The following NSD2 variants were observed in gnomAD, a reference collection of about 807,000 sequenced individuals.
NSD2 encodes the protein histone-lysine N-methyltransferase NSD2.
In NSD2, 12 loss-of-function variants were observed where a neutral mutation model predicts 139.0. The observed-to-expected ratio is 0.09, with a 90% CI of 0.06 to 0.14. The LOEUF (loss-of-function observed/expected upper bound fraction) is 0.14. Among genes scored for constraint, NSD2 ranks in the 10% least tolerant of loss-of-function variants. NSD2 has a pLI of 1.00. For synonymous variants in NSD2, 669 were observed against 648.7 expected (o/e 1.03, Z -0.48); for missense variants, 1,155 against 1,745.0 (o/e 0.66, Z 6.02).
In NSD2 at chr4:1,879,096, G is replaced by C. The variant is rs928376802; in HGVS notation, c.-30+7554G>C. ...AAAAATGTGTCTCTGGAGCTTCACT[G>C]TTTGCTTAGAAGAGAAAGCCCTAGA... On this transcript the variant is annotated intron_variant, in intron 1 of 21. Transcript: ENST00000508803. Among the ~76,000 whole-genome samples the C allele has an allele frequency of 3.9e-5, 6 of 152,216 alleles. No individual in the cohort carries two copies. In the South Asian group the frequency reaches 1.2e-3, roughly 32 times the overall value.
intron 5 of NSD2, among the ~76,000 whole-genome samples, chr4:1,924,865 T>G (rs1046442476): frequency 6.6e-6 from 1 of 152,154 alleles, no homozygotes; most frequent in Non-Finnish European, 1.5e-5. Flanking sequence ...AGGTCGAGGC[T>G]GCAGTGAGCC....
At chr4:1,941,836 C>T (rs946015968) in intron 9 of NSD2, 46 of 1,054,612 alleles carry the variant, frequency 4.4e-5, no homozygotes, top group East Asian at 2.7e-4. Context: ...TATATTAACG[C>T]GACTGAACTA....
rs886244644 is a variant in NSD2 at position 1,894,671 on chromosome 4, C to T, written c.-29-5955C>T. The stretch of plus-strand genomic sequence containing the variant: ...TGGGCAACAGAGGAAGACCCTGTCT[C>T]AATAAAAAAAAAAAAAAAAATGAAA... On this transcript the variant is annotated intron_variant, in intron 1 of 21. Coordinates refer to ENST00000508803, the MANE Select transcript of NSD2 (RefSeq NM_001042424.3). 3.8e-4 allele frequency among the ~76,000 whole-genome samples: 51 copies of T among 135,716 alleles called. 1 individual carries two copies. Among genetic ancestry groups the T allele is most frequent in the Non-Finnish European group, 7.8e-5 (5 of 64,114 alleles). 89.0% of individuals were successfully genotyped at this position (135,716 alleles called of 152,430 possible).
chr4:1,944,547 C>G (rs1723423341), intron 9 of NSD2: 2 of 1,065,156 alleles, frequency 1.9e-6, no homozygotes, highest in African/African-American at 1.6e-5. Flanking sequence ...AGGTGGCTCT[C>G]CAGTGTAAAA....
chr4:1,939,915 C>A (rs747344990), intron 9 of NSD2, 137 bp downstream of exon 9: 331 of 1,527,686 alleles, frequency 2.2e-4, no homozygotes, highest in Non-Finnish European at 2.6e-4. Context: ...TTTAGGGCCT[C>A]TTGGCTAACT....
At position 1,976,683 on chromosome 4, in the gene NSD2, G is replaced by C. The variant is rs1157054284; in HGVS notation, c.3826+4G>C. On this transcript the variant is annotated splice_donor_region_variant and intron_variant, in intron 21 of 21. Coordinates refer to ENST00000508803, the MANE Select transcript of NSD2 (RefSeq NM_001042424.3). This position sits in a 1 kb window ranked among gnomAD's most constrained non-coding sequence, Gnocchi z 5.3. ...GGCCTTGGCAAGCGGCCCTTCGGTG[G>C]GTGTGCAGCCTCGCGGTGGCTTGCA... 1 of 1,570,334 alleles carries C rather than the reference G, an allele frequency of 6.4e-7. No individual in the cohort carries two copies. Among genetic ancestry groups the C allele is most frequent in the Non-Finnish European group, 8.6e-7 (1 of 1,157,838 alleles).
chr4:1,874,135 A>G (rs998396131), intron 1 of NSD2, among the ~76,000 whole-genome samples: 3 of 152,198 alleles, frequency 2.0e-5, no homozygotes, highest in Non-Finnish European at 4.4e-5. Context: ...ATTCTGATCT[A>G]CGTGTTTGGT....
intron 3 of NSD2, 36 bp from the exon 4 acceptor site, chr4:1,916,835 A>G (rs2108800005): frequency 1.3e-6 from 2 of 1,577,880 alleles, no homozygotes; most frequent in African/African-American, 2.7e-5. Context: ...CCCAGATTCT[A>G]ACTTTCATTC....
In NSD2 at chr4:1,917,019, G is replaced by A. The variant is rs776145744; in HGVS notation, c.909G>A (p.Thr303=). The A allele has an allele frequency of 5.0e-6, 8 of 1,612,556 alleles. No homozygotes were observed. Among genetic ancestry groups the A allele is most frequent in the East Asian group, 4.5e-5 (2 of 44,856 alleles). The change falls in exon 4 of 22, where the codon ACG becomes ACA. Residue 303 remains threonine (T), a synonymous_variant. Coordinates refer to ENST00000508803, the MANE Select transcript of NSD2 (RefSeq NM_001042424.3). ...LCQESAKQAP[T]KAEKIKLLKP... ...AGGAAAGTGCCAAGCAGGCACCCAC[G>A]AAAGCTGAGAAAATTAAGGTGATAG...
intron 19 of NSD2, 71 bp from the exon 20 acceptor site, chr4:1,975,223 A>G (rs1726946880): frequency 1.3e-6 from 2 of 1,500,898 alleles, no homozygotes; most frequent in Non-Finnish European, 1.9e-6. Flanking sequence ...TGTTGACCTA[A>G]TACACGCCCC....
In NSD2 at chr4:1,961,167, A is replaced by C; in HGVS notation, c.3372+16A>C. ...TATAGACAAGGTAATGCGGAACTCC[A>C]CTGTGAGCTTCTGCAGTGTGCTGGA... is the stretch of plus-strand genomic sequence containing the variant. On this transcript the variant is annotated intron_variant, in intron 18 of 21. Transcript: ENST00000508803. 1.3e-6 allele frequency: 2 copies of C among 1,587,610 alleles called. No individual in the cohort carries two copies. Among genetic ancestry groups the C allele is most frequent in the Non-Finnish European group, 1.7e-6 (2 of 1,158,436 alleles).
chr4:1,947,537 T>G, intron 9 of NSD2: 1 of 1,054,110 alleles, frequency 9.5e-7, no homozygotes. Flanking sequence ...AAAATTGTTA[T>G]GAACTATAGT....
In NSD2 at chr4:1,872,615, AGAGAGAGAGAGAGAGAGAGAGC is replaced by A. The variant is rs1026004039; in HGVS notation, c.-30+1075_-30+1096del. Among the ~76,000 whole-genome samples, 16 of 145,302 alleles carry A rather than the reference AGAGAGAGAGAGAGAGAGAGAGC, an allele frequency of 1.1e-4. No homozygotes were observed. The South Asian group carries it at 2.7e-3, about 25-fold the overall frequency. On this transcript the variant is annotated intron_variant, in intron 1 of 21. Transcript: ENST00000508803. Reference sequence around the variant, plus strand: ...GTGAGAGAGAGAGAGAGAGAGAGAGAGAGAGAGAGAGAGAGAGAGAGCGCGCAGACCCTGTGAAGACAAGACT... The same window carrying A: ...GTGAGAGAGAGAGAGAGAGAGAGAGAGCGCAGACCCTGTGAAGACAAGACT...
intron 1 of NSD2, among the ~76,000 whole-genome samples, chr4:1,890,300 T>G (rs1190093141): frequency 2.6e-5 from 4 of 151,966 alleles, no homozygotes; most frequent in Admixed American, 6.6e-5. Context: ...TTTTGTTTTG[T>G]TTTTTGTTTT....
At chr4:1,921,438 A>G (rs1427438912) in intron 5 of NSD2, among the ~76,000 whole-genome samples, 1 of 152,084 alleles carries the variant, frequency 6.6e-6, no homozygotes, top group Non-Finnish European at 1.5e-5. Context: ...CAGCCTGGCG[A>G]CAGAGCGAGA....
At chr4:1,903,760 A>T (rs1421248282) in intron 2 of NSD2, among the ~76,000 whole-genome samples, 1 of 132,890 alleles carries the variant, frequency 7.5e-6, no homozygotes, top group East Asian at 2.2e-4. Context: ...TTTGAGATGG[A>T]GTCTCGCCCT....
intron 1 of NSD2, among the ~76,000 whole-genome samples, chr4:1,885,364 G>A (rs1715009294): frequency 6.6e-6 from 1 of 152,160 alleles, no homozygotes; most frequent in Non-Finnish European, 1.5e-5. Flanking sequence ...GCATTATTGA[G>A]GGCTCTCTGC....
chr4:1,920,283 C>A (rs1719948699), intron 5 of NSD2, among the ~76,000 whole-genome samples: 1 of 151,860 alleles, frequency 6.6e-6, no homozygotes, highest in East Asian at 1.9e-4. Context: ...AACCTTGTCT[C>A]TACTAAAAAT....
At chr4:1,937,567 T>C (rs572937079) in intron 7 of NSD2, among the ~76,000 whole-genome samples, 36 of 152,290 alleles carry the variant, frequency 2.4e-4, no homozygotes, top group African/African-American at 8.4e-4. Context: ...CTCTTCAGAT[T>C]TGGGTTTTAT....
Sources: allele counts gnomAD v4.1 joint callset (sites outside exome capture counted in the v4.1 genomes callset), GRCh38; gene constraint gnomAD v4.1.1; non-coding constraint Gnocchi (gnomAD v3.1); transcripts MANE v1.5; gene names NCBI Gene and HGNC (gene_info 2026-07-23, HGNC 2026-07-21).